Variants in DLC1 observed in about 807,000 individuals in gnomAD.
DLC1 encodes rho GTPase-activating protein 7.
In DLC1, 54 loss-of-function variants were observed where a neutral mutation model predicts 140.3. The observed-to-expected ratio is 0.38, with a 90% CI of 0.31 to 0.48. DLC1 has a LOEUF of 0.48. DLC1 is among the 20% of genes least tolerant of loss of function. DLC1 has a pLI of 0.96. For missense variants in DLC1, 2,536 were observed against 1,907.0 expected (o/e 1.33, Z -6.14); for synonymous variants, 986 against 728.1 (o/e 1.35, Z -5.70).
intron 4 of DLC1, among the ~76,000 whole-genome samples, chr8:13,335,257 C>T (rs886889843): frequency 1.3e-5 from 2 of 152,260 alleles, no homozygotes; most frequent in Non-Finnish European, 1.5e-5. Context: ...TGAGAAATAG[C>T]AGCTAGCAGG....
In DLC1 at chr8:13,320,469, A is replaced by T. The variant is rs551831452; in HGVS notation, c.1315-15167T>A. On this transcript the variant is annotated intron_variant, in intron 4 of 17. Transcript: ENST00000276297. ...TATTTAAAAATAAAAACATGAAAACAATGTCTTTTTTTCTTTTTCAAGGAT... is the reference window on the plus strand; with the variant it reads ...TATTTAAAAATAAAAACATGAAAACTATGTCTTTTTTTCTTTTTCAAGGAT... 1.4e-4 allele frequency among the ~76,000 whole-genome samples: 21 copies of T among 152,306 alleles called. 1 individual carries two copies. In the South Asian group the frequency reaches 3.9e-3, roughly 29 times the overall value.
Position 13,547,009 on chromosome 8 carries a change from T to C in DLC1, c.-125-46813A>G, listed in dbSNP as rs973619469. On this transcript the variant is annotated intron_variant, in intron 1 of 1. Coordinates refer to the DLC1 transcript ENST00000631382. ...TTTAATTACAATCATATGTTAAATG[T>C]CTATGATATAAAATTCCTGAAAATA... 1.3e-4 allele frequency among the ~76,000 whole-genome samples: 20 copies of C among 152,126 alleles called. 1 individual carries two copies. The highest frequency in any genetic ancestry group is 2.4e-4 in the Non-Finnish European group (16 of 67,992).
intron 5 of DLC1, among the ~76,000 whole-genome samples, chr8:13,214,937 G>A (rs1828125536): frequency 6.6e-6 from 1 of 152,142 alleles, no homozygotes; most frequent in Non-Finnish European, 1.5e-5. Context: ...ACCACAAAAT[G>A]CACACAGTGC....
chr8:13,362,857 A>T (rs1835298309), intron 4 of DLC1, among the ~76,000 whole-genome samples: 1 of 151,984 alleles, frequency 6.6e-6, no homozygotes, highest in African/African-American at 2.4e-5. Context: ...GTTTTTTTCC[A>T]ACCACATGGC....
intron 5 of DLC1, among the ~76,000 whole-genome samples, chr8:13,296,696 A>G (rs1467319640): frequency 6.6e-6 from 1 of 151,942 alleles, no homozygotes; most frequent in Admixed American, 6.6e-5. Flanking sequence ...GGGGTGACAA[A>G]AAACGAAATG....
At chr8:13,397,657 C>T (rs1287590956) in intron 3 of DLC1, among the ~76,000 whole-genome samples, 2 of 146,476 alleles carry the variant, frequency 1.4e-5, no homozygotes, top group Non-Finnish European at 3.0e-5. Flanking sequence ...AGAGAAACCC[C>T]ATCTCTACAA....
intron 3 of DLC1, among the ~76,000 whole-genome samples, chr8:13,394,389 ATTG>A (rs1462246330): frequency 6.6e-6 from 1 of 152,094 alleles, no homozygotes; most frequent in Non-Finnish European, 1.5e-5. Flanking sequence ...TCCAATAAAT[ATTG>A]TTATTATTAT....
At position 13,499,775 on chromosome 8, in the gene DLC1, A is replaced by G; in HGVS notation, c.297T>C (p.Ser99=). 4 of 1,614,066 alleles carry G rather than the reference A, an allele frequency of 2.5e-6. No homozygotes were observed. Among genetic ancestry groups the G allele is most frequent in the Non-Finnish European group, 3.4e-6 (4 of 1,180,004 alleles). Residue 99 remains serine, a synonymous_variant, in exon 2 of 18, where the codon TCT becomes TCC. Transcript: ENST00000276297. ...CTAGTGTTTCTGTGCTGGCTTCCAG[A>G]GAAAGAAACTGATCTTCACCTTCAT... ...DSHEGEDQFL[S]LEASTETLVH... is the part of the protein sequence containing the mutation.
intron 5 of DLC1, among the ~76,000 whole-genome samples, chr8:13,203,930 A>G (rs1311260845): frequency 6.6e-6 from 1 of 152,112 alleles, no homozygotes; most frequent in African/African-American, 2.4e-5. Context: ...TGCCATTGCT[A>G]TTACCCTGGA....
At chr8:13,188,844 T>TATATATGTATATATATATATA (rs1491498157) in intron 5 of DLC1, among the ~76,000 whole-genome samples, 3 of 25,844 alleles carry the variant, frequency 1.2e-4, no homozygotes, top group Non-Finnish European at 2.5e-4. Flanking sequence ...TATATATATA[T>TATATATGTATATATATATATA]TTTTTTTTTT....
chr8:13,228,398 A>C (rs937242997), intron 5 of DLC1, among the ~76,000 whole-genome samples: 9 of 152,270 alleles, frequency 5.9e-5, no homozygotes, highest in African/African-American at 2.2e-4. Flanking sequence ...TTGTATATGG[A>C]ATACATAATA....
In DLC1 at chr8:13,393,784, T is replaced by A. The variant is rs533610530; in HGVS notation, c.1174-91A>T. Reference sequence around the variant, plus strand: ...CACCAGAACTTTGTCACTTCTTCTTTCTCCCAGTGCACACTGATACACTAA... The same window carrying A: ...CACCAGAACTTTGTCACTTCTTCTTACTCCCAGTGCACACTGATACACTAA... On this transcript the variant is annotated intron_variant, in intron 3 of 17. Coordinates refer to ENST00000276297, the MANE Select transcript of DLC1 (RefSeq NM_182643.3). 222 of 1,453,532 alleles carry A rather than the reference T, an allele frequency of 1.5e-4. No homozygotes were observed. In the South Asian group the frequency reaches 2.7e-3, roughly 18 times the overall value. 90.0% of individuals were successfully genotyped at this position (1,453,532 alleles called of 1,614,324 possible).
At chr8:13,415,099 A>T (rs1389968730) in intron 2 of DLC1, among the ~76,000 whole-genome samples, 2 of 152,160 alleles carry the variant, frequency 1.3e-5, no homozygotes, top group African/African-American at 4.8e-5. Flanking sequence ...GGCGTGAGCC[A>T]CTGCGCCTGG....
At chr8:13,121,833 G>A (rs566473034) in intron 5 of DLC1, among the ~76,000 whole-genome samples, 1 of 152,230 alleles carries the variant, frequency 6.6e-6, no homozygotes, top group East Asian at 1.9e-4. Context: ...GATTACAGGC[G>A]TGAACCACCC....
chr8:13,453,422 A>ATATTTTTTTTTTTTTTTTTT (rs1554523043), intron 2 of DLC1, among the ~76,000 whole-genome samples: 1 of 32,572 alleles, frequency 3.1e-5, no homozygotes, highest in African/African-American at 1.6e-4. Flanking sequence ...ATATATATAT[A>ATATTTTTTTTTTTTTTTTTT]TGTGTATATA....
At chr8:13,182,224 A>C (rs1412654470) in intron 5 of DLC1, among the ~76,000 whole-genome samples, 4 of 150,430 alleles carry the variant, frequency 2.7e-5, no homozygotes, top group Non-Finnish European at 6.0e-5. Flanking sequence ...AGTTCTTTGT[A>C]GATTCAGATG....
chr8:13,495,446 A>C (rs900108676), intron 2 of DLC1, among the ~76,000 whole-genome samples: 2 of 152,176 alleles, frequency 1.3e-5, no homozygotes, highest in African/African-American at 4.8e-5. Flanking sequence ...AGTGCTGGTC[A>C]TATGTCACCC....
intron 5 of DLC1, among the ~76,000 whole-genome samples, chr8:13,131,570 G>C (rs931561597): frequency 7.3e-6 from 1 of 136,992 alleles, no homozygotes; most frequent in African/African-American, 2.5e-5. Flanking sequence ...GGTGGGGAGT[G>C]GGACGAAGCT....
intron 3 of DLC1, among the ~76,000 whole-genome samples, chr8:13,399,282 GA>G (rs1435574808): frequency 6.6e-6 from 1 of 152,158 alleles, no homozygotes; most frequent in African/African-American, 2.4e-5. Flanking sequence ...TCATTGTAAA[GA>G]AAAAACTGGC....
Sources: gnomAD v4.1 joint callset for allele counts (sites outside exome capture counted in the v4.1 genomes callset) on GRCh38, gnomAD v4.1.1 for gene constraint, MANE v1.5 for transcripts, NCBI Gene and HGNC (gene_info 2026-07-23, HGNC 2026-07-21) for gene names.